SHANK2: variants seen among roughly 807,000 people sequenced by gnomAD.
The protein encoded by SHANK2 is SH3 and multiple ankyrin repeat domains 2.
Under a neutral mutation model 133.7 loss-of-function variants are expected in SHANK2, and 43 were observed. The observed-to-expected ratio is 0.32, with a 90% CI of 0.25 to 0.41. The LOEUF (loss-of-function observed/expected upper bound fraction) is 0.41, where lower values mean the gene tolerates loss of function less well. Ranked by LOEUF, SHANK2 falls within the 10% of genes least tolerant of loss-of-function variation. The probability of loss-of-function intolerance (pLI) is 1.00; values close to 1 mark genes in which losing one functional copy is unlikely to be tolerated. For missense variants in SHANK2, 1,994 were observed against 2,235.8 expected (o/e 0.89, Z 2.18); for synonymous variants, 1,017 against 952.8 (o/e 1.07, Z -1.24).
intron 3 of SHANK2, among the ~76,000 whole-genome samples, chr11:71,142,505 AAAACAAAC>A (rs1177497718): frequency 6.6e-6 from 1 of 152,146 alleles, no homozygotes; most frequent in African/African-American, 2.4e-5. Flanking sequence ...TCTTTCAATA[AAAACAAAC>A]AAACAAACAA....
intron 1 of SHANK2, among the ~76,000 whole-genome samples, chr11:71,234,110 G>A (rs1555123357): frequency 6.9e-6 from 1 of 144,784 alleles, no homozygotes; most frequent in Non-Finnish European, 1.5e-5. Flanking sequence ...CACTTTCAGA[G>A]GCCGAGGTAG....
intron 14 of SHANK2, among the ~76,000 whole-genome samples, chr11:70,743,188 G>A (rs1383666523): frequency 6.6e-6 from 1 of 152,210 alleles, no homozygotes; most frequent in African/African-American, 2.4e-5. Flanking sequence ...AGGAACGCAG[G>A]AGCTGCAGGA....
At chr11:70,594,061 T>A (rs2060365093) in intron 17 of SHANK2, among the ~76,000 whole-genome samples, 1 of 152,320 alleles carries the variant, frequency 6.6e-6, no homozygotes, top group Non-Finnish European at 1.5e-5. Context: ...CACTGCCGTG[T>A]TGGAGCTGCC....
In SHANK2 at chr11:70,492,607, G is replaced by A. The variant is rs1231950889; in HGVS notation, c.2309-142C>T. 5.4e-6 allele frequency: 6 copies of A among 1,112,268 alleles called. No homozygotes were observed. In the Admixed American group the frequency reaches 5.9e-5, roughly 11 times the overall value. The allele number at this position is 1,112,268 out of a possible 1,614,324, so 68.9% of individuals were successfully genotyped here. A position where few individuals can be genotyped will look rare whatever the true frequency, so the allele number is the denominator to read the frequency against. ...TGTTGCTGCTGTGAGGAGCATGCGT[G>A]TGCCTCTGCCACATGCATTCCCACT... On this transcript the variant is annotated intron_variant, in intron 21 of 25. Transcript: ENST00000601538.
chr11:70,484,671 A>G (rs2058776842), intron 25 of SHANK2, among the ~76,000 whole-genome samples: 1 of 152,120 alleles, frequency 6.6e-6, no homozygotes, highest in African/African-American at 2.4e-5. Flanking sequence ...TTCAGTTCCA[A>G]TGGAAATAAT....
intron 17 of SHANK2, among the ~76,000 whole-genome samples, chr11:70,520,802 A>G (rs1178354406): frequency 1.3e-5 from 2 of 152,220 alleles, no homozygotes; most frequent in African/African-American, 4.8e-5. Flanking sequence ...TGTACTTTGA[A>G]TGATAACCAA....
intron 17 of SHANK2, among the ~76,000 whole-genome samples, chr11:70,543,978 G>A (rs570270252): frequency 3.9e-5 from 6 of 152,240 alleles, no homozygotes; most frequent in South Asian, 2.1e-4. Context: ...TGTGGATTGC[G>A]TTGAGAGAGT....
At chr11:71,090,102 T>C (rs1046176294) in intron 8 of SHANK2, among the ~76,000 whole-genome samples, 20 of 151,306 alleles carry the variant, frequency 1.3e-4, no homozygotes, top group African/African-American at 4.9e-4. Context: ...TGTGTGTGTG[T>C]GTGTGTGTGT....
At chr11:70,639,261 G>A (rs1278515521) in intron 17 of SHANK2, among the ~76,000 whole-genome samples, 1 of 152,192 alleles carries the variant, frequency 6.6e-6, no homozygotes, top group Non-Finnish European at 1.5e-5. Flanking sequence ...CAGTCCATCA[G>A]GCCTTTGCTC....
intron 2 of SHANK2, among the ~76,000 whole-genome samples, chr11:71,190,411 C>T (rs1200786893): frequency 6.6e-6 from 1 of 152,226 alleles, no homozygotes. Context: ...CATCCAGACC[C>T]TTAAGCATCT....
intron 2 of SHANK2, among the ~76,000 whole-genome samples, chr11:71,190,967 C>G (rs1953781281): frequency 6.6e-6 from 1 of 151,978 alleles, no homozygotes; most frequent in South Asian, 2.1e-4. Flanking sequence ...GAGAAAGGGA[C>G]GTCTACGCCA....
intron 3 of SHANK2, among the ~76,000 whole-genome samples, chr11:71,135,547 C>T (rs1555104622): frequency 7.0e-6 from 1 of 143,574 alleles, no homozygotes; most frequent in Admixed American, 7.4e-5. Flanking sequence ...AGTGCAATGG[C>T]ACAATCTCAG....
intron 2 of SHANK2, among the ~76,000 whole-genome samples, chr11:71,199,422 T>G (rs558461078): frequency 7.2e-5 from 11 of 152,328 alleles, no homozygotes; most frequent in African/African-American, 2.4e-4. Context: ...AAATGTGACC[T>G]GCCGTAGAGG....
rs370059115 is a variant in SHANK2 at position 70,844,361 on chromosome 11, G to A, written c.1175-23679C>T. 3.9e-4 allele frequency among the ~76,000 whole-genome samples: 59 copies of A among 151,396 alleles called. 1 individual carries two copies. The East Asian group carries it at 6.0e-3, about 15-fold the overall frequency. On this transcript the variant is annotated intron_variant, in intron 11 of 25. Coordinates refer to ENST00000601538, the MANE Select transcript of SHANK2 (RefSeq NM_012309.5). ...TTCCATTTGGGTTGGGGGGCCGGGG[G>A]CGGGGCATGAAAATCTCTCCCCCTA...
chr11:71,070,765 T>C (rs1376702124), intron 9 of SHANK2, among the ~76,000 whole-genome samples: 1 of 152,266 alleles, frequency 6.6e-6, no homozygotes, highest in Non-Finnish European at 1.5e-5. Flanking sequence ...GGCAGTTGAA[T>C]CGTTATGACG....
At chr11:70,890,946 A>G (rs7394867) in intron 11 of SHANK2, among the ~76,000 whole-genome samples, 137,316 of 151,098 alleles carry the variant, frequency 0.91, 63,210 homozygotes, top group Non-Finnish European at 0.98. Context: ...CCTGGGTGAC[A>G]GAGTGATAGA....
chr11:70,771,206 C>T (rs1031171947), intron 14 of SHANK2, among the ~76,000 whole-genome samples: 1 of 152,214 alleles, frequency 6.6e-6, no homozygotes, highest in African/African-American at 2.4e-5. Flanking sequence ...GGATTACAGG[C>T]ATGACCCACG....
At chr11:71,094,391 C>T in intron 7 of SHANK2, 146 bp downstream of exon 7, 1 of 705,286 alleles carries the variant, frequency 1.4e-6, no homozygotes, top group Non-Finnish European at 2.2e-6. Flanking sequence ...TTCCAAGCTC[C>T]AGCCGGAACA....
In SHANK2 at chr11:70,470,321, G is replaced by C. The variant is rs2058582322; in HGVS notation, c.*2548C>G. On this transcript the variant is annotated 3_prime_UTR_variant, in exon 26 of 26. Transcript: ENST00000601538. Reference sequence around the variant, plus strand: ...TAGTCTTGCAGCCAGCTTGCTTGTGGTTAGTGGCATGTGGCTTGGAGTATC... The same window carrying C: ...TAGTCTTGCAGCCAGCTTGCTTGTGCTTAGTGGCATGTGGCTTGGAGTATC... The C allele has an allele frequency of 6.6e-6, 1 of 152,264 alleles. No individual in the cohort carries two copies. The highest frequency in any genetic ancestry group is 1.5e-5 in the Non-Finnish European group (1 of 68,044). 9.4% of individuals were successfully genotyped at this position (152,264 alleles called of 1,614,324 possible). A position where few individuals can be genotyped will look rare whatever the true frequency, so the allele number is the denominator to read the frequency against.
Sources: allele counts gnomAD v4.1 joint callset (sites outside exome capture counted in the v4.1 genomes callset), GRCh38; gene constraint gnomAD v4.1.1; transcripts MANE v1.5; gene names NCBI Gene and HGNC (gene_info 2026-07-23, HGNC 2026-07-21).